GALNTL6: variants seen among roughly 807,000 people sequenced by gnomAD.
The protein encoded by GALNTL6 is polypeptide N-acetylgalactosaminyltransferase-like 6.
A neutral mutation model predicts 73.7 loss-of-function variants in GALNTL6; 46 were observed. That is an observed-to-expected ratio of 0.62 (90% CI 0.49 to 0.80). The LOEUF (loss-of-function observed/expected upper bound fraction) is 0.80. GALNTL6 is among the 30% of genes least tolerant of loss of function. The pLI, the probability that GALNTL6 is intolerant of heterozygous loss-of-function variation, is 0.00. For synonymous variants in GALNTL6, 259 were observed against 263.7 expected (o/e 0.98, Z 0.17); for missense variants, 604 against 755.0 (o/e 0.80, Z 2.34).
chr4:172,021,875 G>A (rs528216243), intron 2 of GALNTL6, among the ~76,000 whole-genome samples: 1 of 151,996 alleles, frequency 6.6e-6, no homozygotes, highest in South Asian at 2.1e-4. Context: ...AGAAAAACTG[G>A]GTATCAATAT....
At chr4:172,599,738 A>G (rs956065217) in intron 5 of GALNTL6, among the ~76,000 whole-genome samples, 4 of 152,150 alleles carry the variant, frequency 2.6e-5, no homozygotes, top group Admixed American at 6.6e-5. Flanking sequence ...ACTAAGATGT[A>G]GGTTGGTGCA....
chr4:172,111,897 A>G (rs936536032), intron 2 of GALNTL6, among the ~76,000 whole-genome samples: 7 of 151,994 alleles, frequency 4.6e-5, no homozygotes, highest in Admixed American at 2.6e-4. Flanking sequence ...TACATTTGTC[A>G]TGTTTGATAA....
intron 11 of GALNTL6, among the ~76,000 whole-genome samples, chr4:173,019,469 A>G (rs1752908329): frequency 6.6e-6 from 1 of 152,220 alleles, no homozygotes; most frequent in South Asian, 2.1e-4. Flanking sequence ...ACAGAGGTGC[A>G]CAGTGCTTCA....
intron 2 of GALNTL6, among the ~76,000 whole-genome samples, chr4:172,133,660 G>C (rs927880000): frequency 6.6e-6 from 1 of 152,210 alleles, no homozygotes; most frequent in Non-Finnish European, 1.5e-5. Flanking sequence ...CAGCACGGGT[G>C]ACCAACTGAA....
At chr4:172,197,344 A>T (rs544273278) in intron 2 of GALNTL6, among the ~76,000 whole-genome samples, 145 of 152,332 alleles carry the variant, frequency 9.5e-4, no homozygotes, top group African/African-American at 3.3e-3. Flanking sequence ...AAGGATCAAT[A>T]CCATGAAAAT....
chr4:172,595,725 C>A (rs1373397325), intron 5 of GALNTL6, among the ~76,000 whole-genome samples: 1 of 152,058 alleles, frequency 6.6e-6, no homozygotes, highest in Non-Finnish European at 1.5e-5. Flanking sequence ...TTCTAATCAG[C>A]ATTATTATCT....
intron 10 of GALNTL6, among the ~76,000 whole-genome samples, chr4:172,984,532 C>T (rs1253567480): frequency 6.6e-6 from 1 of 152,150 alleles, no homozygotes; most frequent in Non-Finnish European, 1.5e-5. Flanking sequence ...TAGCAGTGTA[C>T]ATTTCTTCTG....
intron 5 of GALNTL6, among the ~76,000 whole-genome samples, chr4:172,424,160 A>G (rs1471515332): frequency 2.0e-5 from 3 of 152,136 alleles, no homozygotes; most frequent in Non-Finnish European, 4.4e-5. Context: ...GCTGTGCACC[A>G]CATACTAAGA....
In GALNTL6 at chr4:172,808,643, T is replaced by C. The variant is rs564384844; in HGVS notation, c.554-718T>C. Among the ~76,000 whole-genome samples, 8 of 152,358 alleles carry C rather than the reference T, an allele frequency of 5.3e-5. No individual in the cohort carries two copies. In the South Asian group the frequency reaches 1.7e-3, roughly 32 times the overall value. On this transcript the variant is annotated intron_variant, in intron 5 of 12. Coordinates refer to ENST00000506823, the MANE Select transcript of GALNTL6 (RefSeq NM_001034845.3). ...GCTTGATGCATTTTGTCACAGACAG[T>C]AGGAAATATTTTATTCTGTGAATAA...
chr4:172,431,642 G>A (rs1731455797), intron 5 of GALNTL6, among the ~76,000 whole-genome samples: 1 of 151,982 alleles, frequency 6.6e-6, no homozygotes, highest in African/African-American at 2.4e-5. Flanking sequence ...TTCTAAAAAT[G>A]GTCTTCCAGC....
intron 2 of GALNTL6, among the ~76,000 whole-genome samples, chr4:172,200,605 T>C (rs892198881): frequency 1.3e-5 from 2 of 152,214 alleles, no homozygotes; most frequent in Non-Finnish European, 2.9e-5. Context: ...TTAGACTTTA[T>C]GTAGTAGATA....
At chr4:172,046,379 T>C (rs1303246922) in intron 2 of GALNTL6, among the ~76,000 whole-genome samples, 1 of 152,150 alleles carries the variant, frequency 6.6e-6, no homozygotes, top group Non-Finnish European at 1.5e-5. Context: ...TAGGTATACA[T>C]GTGTCATGTT....
intron 7 of GALNTL6, among the ~76,000 whole-genome samples, chr4:172,841,249 A>G (rs1183034115): frequency 6.6e-6 from 1 of 152,204 alleles, no homozygotes; most frequent in Non-Finnish European, 1.5e-5. Context: ...ATAATAATAG[A>G]ATGGCGAAGA....
chr4:172,130,946 T>C (rs1733471676), intron 2 of GALNTL6, among the ~76,000 whole-genome samples: 1 of 152,066 alleles, frequency 6.6e-6, no homozygotes. Flanking sequence ...ACCCTCTATC[T>C]ACTCCTTTCA....
intron 2 of GALNTL6, among the ~76,000 whole-genome samples, chr4:172,170,785 A>G (rs1004452317): frequency 6.6e-6 from 1 of 152,056 alleles, no homozygotes; most frequent in Non-Finnish European, 1.5e-5. Context: ...AATTGCTGGG[A>G]TTACAGGCAT....
At chr4:172,797,489 C>T (rs1740342853) in intron 5 of GALNTL6, among the ~76,000 whole-genome samples, 1 of 152,164 alleles carries the variant, frequency 6.6e-6, no homozygotes, top group Admixed American at 6.5e-5. Context: ...AGGCCATCCG[C>T]CCGCCTCAGC....
chr4:171,850,740 G>A (rs925634685), intron 2 of GALNTL6, among the ~76,000 whole-genome samples: 2 of 152,146 alleles, frequency 1.3e-5, no homozygotes, highest in Non-Finnish European at 2.9e-5. Flanking sequence ...GTATAATGAG[G>A]CGTGTCTGAC....
intron 5 of GALNTL6, among the ~76,000 whole-genome samples, chr4:172,726,069 A>G (rs1231930281): frequency 6.6e-6 from 1 of 152,010 alleles, no homozygotes; most frequent in East Asian, 1.9e-4. Flanking sequence ...TCAGCGATGG[A>G]TGAATAAACG....
intron 8 of GALNTL6, among the ~76,000 whole-genome samples, chr4:172,900,063 G>A (rs2111236862): frequency 6.6e-6 from 1 of 152,200 alleles, no homozygotes; most frequent in Middle Eastern, 3.4e-3. Context: ...AACCTCCTAG[G>A]AATGCAGCCC....
Sources: gnomAD v4.1 joint callset for allele counts (sites outside exome capture counted in the v4.1 genomes callset) on GRCh38, gnomAD v4.1.1 for gene constraint, MANE v1.5 for transcripts, NCBI Gene and HGNC (gene_info 2026-07-23, HGNC 2026-07-21) for gene names.